CSE1L: variants seen among roughly 807,000 people sequenced by gnomAD.
CSE1L encodes exportin-2.
In CSE1L, 24 loss-of-function variants were observed where a neutral mutation model predicts 120.4. The observed-to-expected ratio is 0.20, with a 90% CI of 0.14 to 0.28. The LOEUF is 0.28. Ranked by LOEUF, CSE1L falls within the 10% of genes least tolerant of loss-of-function variation. The pLI is 1.00. For synonymous variants in CSE1L, 402 were observed against 398.3 expected (o/e 1.01, Z -0.11); for missense variants, 830 against 1,145.2 (o/e 0.72, Z 3.97).
chr20:49,091,575 C>T (rs1473420294), intron 21 of CSE1L, among the ~76,000 whole-genome samples: 3 of 151,886 alleles, frequency 2.0e-5, no homozygotes, highest in Admixed American at 2.0e-4. Context: ...CTCTACAAAA[C>T]AGCCAAGCAT....
intron 12 of CSE1L, among the ~76,000 whole-genome samples, chr20:49,076,716 AG>A (rs2091971359): frequency 6.6e-6 from 1 of 150,932 alleles, no homozygotes; most frequent in Admixed American, 6.6e-5. Context: ...TTTTTAGTAG[AG>A]ACGGGGTTTT....
chr20:49,091,084 A>G, intron 21 of CSE1L, 62 bp downstream of exon 21: 2 of 1,103,518 alleles, frequency 1.8e-6, no homozygotes, highest in South Asian at 2.7e-5. Context: ...AAACCCTTAG[A>G]CTTTATGGTT....
In CSE1L at chr20:49,089,489, C is replaced by G; in HGVS notation, c.1973-49C>G. On this transcript the variant is annotated intron_variant, in intron 18 of 24. Transcript: ENST00000262982. ...CCTAAGCGATGTGGGCCTTTTGTGT[C>G]AGTCATTCCTTCTGAAGCTCACAGC... 6 of 1,605,702 alleles carry G rather than the reference C, an allele frequency of 3.7e-6. 1 individual carries two copies. In the South Asian group the frequency reaches 6.6e-5, roughly 18 times the overall value.
chr20:49,057,653 C>T (rs567825316), intron 1 of CSE1L, among the ~76,000 whole-genome samples: 12 of 151,944 alleles, frequency 7.9e-5, no homozygotes, highest in Admixed American at 2.0e-4. Context: ...TGTTTTGAGA[C>T]GGAGTTTTGC....
intron 12 of CSE1L, 33 bp downstream of exon 12, chr20:49,075,553 A>G (rs373373548): frequency 1.2e-5 from 19 of 1,579,476 alleles, no homozygotes; most frequent in Non-Finnish European, 1.7e-5. Flanking sequence ...TGTTTCTAAA[A>G]CAGACATCAG....
At chr20:49,076,811 G>A (rs1189015443) in intron 12 of CSE1L, among the ~76,000 whole-genome samples, 169 bp from the exon 13 acceptor site, 9 of 152,074 alleles carry the variant, frequency 5.9e-5, no homozygotes, top group Admixed American at 2.6e-4. Context: ...GATTACAGCC[G>A]TGAGCTCCTG....
chr20:49,093,581 CTT>C lies in CSE1L; in HGVS notation c.2448-548_2448-547del, dbSNP rs34055967. Among the ~76,000 whole-genome samples the C allele has an allele frequency of 2.6e-3, 227 of 87,514 alleles. 1 individual carries two copies. Among genetic ancestry groups the C allele is most frequent in the African/African-American group, 0.011 (211 of 19,928 alleles). 57.4% of individuals were successfully genotyped at this position (87,514 alleles called of 152,430 possible). A position where few individuals can be genotyped will look rare whatever the true frequency, so the allele number is the denominator to read the frequency against. ...TCCTCTCTCTTTTTTTTTTTTTTTT[CTT>C]TTTTTTTTTTGAGACTGGCCAGGTG... On this transcript the variant is annotated intron_variant, in intron 22 of 24. Transcript: ENST00000262982.
chr20:49,077,233 C>T (rs1471815931), intron 13 of CSE1L, among the ~76,000 whole-genome samples, 169 bp downstream of exon 13: 4 of 146,190 alleles, frequency 2.7e-5, no homozygotes, highest in Non-Finnish European at 6.0e-5. Flanking sequence ...AGTCTCTGCT[C>T]ACTGCAACTC....
At chr20:49,069,623 A>C (rs1008276895) in intron 7 of CSE1L, among the ~76,000 whole-genome samples, 6 of 152,232 alleles carry the variant, frequency 3.9e-5, no homozygotes, top group Non-Finnish European at 7.3e-5. Context: ...ATCAGTGTTC[A>C]GCTGGATAGC....
Position 49,072,630 on chromosome 20 carries a change from A to C in CSE1L, c.999A>C (p.Leu333=), listed in dbSNP as rs777179703. Reference sequence around the variant, plus strand: ...GTGAGAGACCTCATTATAAGAATCTATTTGAGGACCAGAACACGCTGACAA... The same window carrying C: ...GTGAGAGACCTCATTATAAGAATCTCTTTGAGGACCAGAACACGCTGACAA... ...SVCERPHYKN[L]FEDQNTLTSI... Residue 333 remains leucine, a synonymous_variant, in exon 10 of 25, where the codon CTA becomes CTC. Transcript: ENST00000262982. 9.3e-6 allele frequency: 15 copies of C among 1,613,762 alleles called. No individual in the cohort carries two copies. In the East Asian group the frequency reaches 1.3e-4, roughly 14 times the overall value.
At chr20:49,088,448 T>A (rs2092076585) in intron 17 of CSE1L, among the ~76,000 whole-genome samples, 1 of 152,260 alleles carries the variant, frequency 6.6e-6, no homozygotes, top group African/African-American at 2.4e-5. Flanking sequence ...TCTGGACTTC[T>A]ATGAAATGAT....
At chr20:49,088,274 A>G (rs1256125284) in intron 17 of CSE1L, among the ~76,000 whole-genome samples, 168 bp downstream of exon 17, 1 of 152,216 alleles carries the variant, frequency 6.6e-6, no homozygotes, top group Non-Finnish European at 1.5e-5. Context: ...TAGATTGGAG[A>G]CGTAATAGCA....
chr20:49,075,439 A>T lies in CSE1L; in HGVS notation c.1254A>T (p.Lys418Asn). The T allele has an allele frequency of 1.2e-6, 2 of 1,614,158 alleles. No individual in the cohort carries two copies. Among genetic ancestry groups the T allele is most frequent in the South Asian group, 2.2e-5 (2 of 91,088 alleles). The change falls in exon 12 of 25, where the codon AAA becomes AAT. Residue 418 changes from lysine to asparagine, a missense_variant. Coordinates refer to ENST00000262982, the MANE Select transcript of CSE1L (RefSeq NM_001316.4). Reference sequence around the variant, plus strand: ...ATTCCATGCTGCAGGAATACGCAAAAAATCCATCTGTCAACTGGAAACACA... The same window carrying T: ...ATTCCATGCTGCAGGAATACGCAAATAATCCATCTGTCAACTGGAAACACA... Reference protein sequence around the residue: ...YVNSMLQEYAKNPSVNWKHKD... With the variant: ...YVNSMLQEYANNPSVNWKHKD...
chr20:49,086,147 C>T (rs1400328278), intron 16 of CSE1L, among the ~76,000 whole-genome samples: 1 of 152,044 alleles, frequency 6.6e-6, no homozygotes, highest in Non-Finnish European at 1.5e-5. Flanking sequence ...GGTGCCAGCT[C>T]TGAATTTAGA....
Position 49,090,832 on chromosome 20 carries a change from A to T in CSE1L, c.2272A>T (p.Met758Leu). The T allele has an allele frequency of 6.2e-7, 1 of 1,613,434 alleles. No individual in the cohort carries two copies. Among genetic ancestry groups the T allele is most frequent in the Non-Finnish European group, 8.5e-7 (1 of 1,179,540 alleles). ...FYLLNSIIEH[M>L]PPESVDQYRK... ...TCTTCTAAACAGTATAATAGAGCAC[A>T]TGCCTCCGTGAGTATGACTAGAACT... The change falls in exon 20 of 25, where the codon ATG becomes TTG. Residue 758 changes from methionine (M) to leucine (L), a missense_variant. Met to Leu is a conservative substitution (Grantham distance 15, BLOSUM62 2). This residue lies in a region of CSE1L where 168 missense variants were observed against 267.9 expected (regional missense o/e 0.63). Transcript: ENST00000262982.
intron 3 of CSE1L, among the ~76,000 whole-genome samples, chr20:49,064,473 G>GCTGA (rs1478021218): frequency 2.6e-5 from 4 of 152,320 alleles, no homozygotes; most frequent in African/African-American, 9.6e-5. Context: ...ACTTTGGGAG[G>GCTGA]CTGAGGTGGG....
In CSE1L at chr20:49,066,225, G is replaced by T; in HGVS notation, c.262G>T (p.Asp88Tyr). The part of the protein sequence containing the change: ...EDEPNKICEA[D>Y]RVAIKANIVH... ...TGAACCAAACAAAATTTGTGAAGCC[G>T]ATCGAGTGGCCATTAAAGCCAACAT... is the stretch of plus-strand genomic sequence containing the variant. Residue 88 changes from aspartate (D) to tyrosine (Y), a missense_variant, in exon 4 of 25, where the codon GAT becomes TAT. By Grantham distance (160) the Asp-to-Tyr change is radical. Around this residue, in one of 4 missense-constraint regions of CSE1L, gnomAD observed 543 missense variants for 640.2 expected, o/e 0.85. Coordinates refer to ENST00000262982, the MANE Select transcript of CSE1L (RefSeq NM_001316.4). 1.9e-6 allele frequency: 3 copies of T among 1,614,184 alleles called. No homozygotes were observed. Among genetic ancestry groups the T allele is most frequent in the Non-Finnish European group, 1.7e-6 (2 of 1,180,032 alleles).
At chr20:49,089,801 G>A (rs1038240154) in intron 19 of CSE1L, 55 bp downstream of exon 19, 21 of 1,515,190 alleles carry the variant, frequency 1.4e-5, no homozygotes, top group Non-Finnish European at 1.8e-5. Flanking sequence ...GAGAAACTGG[G>A]GATGGCAGAT....
At chr20:49,074,715 C>A in intron 10 of CSE1L, 70 bp from the exon 11 acceptor site, 1 of 1,310,964 alleles carries the variant, frequency 7.6e-7, no homozygotes, top group Non-Finnish European at 1.1e-6. Context: ...ACATACTCTT[C>A]TGCATTCTCA....
Sources: gnomAD v4.1 joint callset for allele counts (sites outside exome capture counted in the v4.1 genomes callset) on GRCh38, gnomAD v4.1.1 for gene constraint, gnomAD v4.1.1 regional missense constraint, MANE v1.5 for transcripts, NCBI Gene and HGNC (gene_info 2026-07-23, HGNC 2026-07-21) for gene names.